ROBO1: variants seen among roughly 807,000 people sequenced by gnomAD.
The protein encoded by ROBO1 is roundabout homolog 1.
Under a neutral mutation model 195.9 loss-of-function variants are expected in ROBO1, and 149 were observed. The ratio of observed to expected loss-of-function variants is 0.76; its 90% CI spans 0.67 to 0.87. The LOEUF (loss-of-function observed/expected upper bound fraction) is 0.87. ROBO1 is among the 40% of genes least tolerant of loss of function. The pLI, the probability that ROBO1 is intolerant of heterozygous loss-of-function variation, is 0.00. For synonymous variants in ROBO1, 816 were observed against 733.2 expected, an observed-to-expected ratio of 1.11 and a Z score of -1.82; for missense variants, 1,933 against 2,068.3, an observed-to-expected ratio of 0.93 and a Z score of 1.27.
intron 1 of ROBO1, among the ~76,000 whole-genome samples, chr3:79,710,126 C>CG (rs1702213751): frequency 6.6e-6 from 1 of 151,868 alleles, no homozygotes; most frequent in Admixed American, 6.6e-5. Context: ...GTAAGGGAGA[C>CG]GAGAGATATT....
At chr3:79,519,691 TTG>T (rs1365838775) in intron 2 of ROBO1, among the ~76,000 whole-genome samples, 1 of 150,942 alleles carries the variant, frequency 6.6e-6, no homozygotes, top group African/African-American at 2.4e-5. Context: ...ATATAATATG[TTG>T]TCCCAGCCAG....
At chr3:78,962,823 CAAA>C (rs770515270) in intron 3 of ROBO1, among the ~76,000 whole-genome samples, 3 of 26,212 alleles carry the variant, frequency 1.1e-4, no homozygotes, top group Non-Finnish European at 2.4e-4. Context: ...GACTCCATCT[CAAA>C]AAAAAAAAAA....
intron 2 of ROBO1, among the ~76,000 whole-genome samples, chr3:79,310,345 C>A (rs2033424610): frequency 6.6e-6 from 1 of 152,152 alleles, no homozygotes; most frequent in South Asian, 2.1e-4. Context: ...CCTCACCTTC[C>A]TCTCCTGGGA....
At chr3:78,826,051 A>G (rs1296978882) in intron 4 of ROBO1, among the ~76,000 whole-genome samples, 1 of 152,164 alleles carries the variant, frequency 6.6e-6, no homozygotes, top group Non-Finnish European at 1.5e-5. Context: ...ATGGCCACAG[A>G]GCTATAGCAT....
At chr3:79,225,506 T>C (rs1276635113) in intron 2 of ROBO1, among the ~76,000 whole-genome samples, 1 of 152,214 alleles carries the variant, frequency 6.6e-6, no homozygotes, top group Non-Finnish European at 1.5e-5. Context: ...TAATTTACTA[T>C]CAACTTCTTG....
At chr3:78,851,334 A>T (rs776509415) in intron 4 of ROBO1, among the ~76,000 whole-genome samples, 38 of 152,128 alleles carry the variant, frequency 2.5e-4, no homozygotes, top group Middle Eastern at 3.2e-3. Flanking sequence ...ATAATTCTAA[A>T]CATATAAGAT....
chr3:79,294,618 GA>G (rs2032474119), intron 2 of ROBO1, among the ~76,000 whole-genome samples: 1 of 152,038 alleles, frequency 6.6e-6, no homozygotes, highest in Non-Finnish European at 1.5e-5. Flanking sequence ...TTAAACTGAA[GA>G]GCCTCTGCAC....
chr3:79,189,452 A>G (rs2081500195), intron 2 of ROBO1, among the ~76,000 whole-genome samples: 1 of 151,752 alleles, frequency 6.6e-6, no homozygotes, highest in African/African-American at 2.4e-5. Context: ...ATGTTTGTCT[A>G]TGCTGCTGCT....
At chr3:79,190,490 G>A (rs779861914) in intron 2 of ROBO1, among the ~76,000 whole-genome samples, 1 of 151,468 alleles carries the variant, frequency 6.6e-6, no homozygotes, top group African/African-American at 2.4e-5. Flanking sequence ...TTGGAGAGTC[G>A]GGCAGAAGGG....
At position 78,613,411 on chromosome 3, in the gene ROBO1, T is replaced by C. The variant is rs189149424; in HGVS notation, c.4435+1237A>G. ...ATTGCTGGTAGAGTTGGGGGATTTATACCTAGTGTTTGTCCCTTCACAGAG... is the reference window on the plus strand; with the variant it reads ...ATTGCTGGTAGAGTTGGGGGATTTACACCTAGTGTTTGTCCCTTCACAGAG... On this transcript the variant is annotated intron_variant, in intron 28 of 30. Transcript: ENST00000464233. Among the ~76,000 whole-genome samples, 6 of 152,296 alleles carry C rather than the reference T, an allele frequency of 3.9e-5. No homozygotes were observed. The East Asian group carries it at 1.2e-3, about 29-fold the overall frequency.
intron 26 of ROBO1, among the ~76,000 whole-genome samples, chr3:78,620,883 A>ATGTGTGTGTGTGTGTGTGTGTG (rs199578004): frequency 6.9e-6 from 1 of 144,624 alleles, no homozygotes; most frequent in Non-Finnish European, 1.5e-5. Context: ...ATATATATAT[A>ATGTGTGTGTGTGTGTGTGTGTG]TGTGTGTGTG....
At chr3:78,756,029 T>C (rs1049567909) in intron 4 of ROBO1, among the ~76,000 whole-genome samples, 1 of 152,154 alleles carries the variant, frequency 6.6e-6, no homozygotes, top group Non-Finnish European at 1.5e-5. Flanking sequence ...CCATATCATG[T>C]ATTTTTTAAC....
At chr3:79,199,377 T>C (rs891562593) in intron 2 of ROBO1, among the ~76,000 whole-genome samples, 17 of 151,840 alleles carry the variant, frequency 1.1e-4, no homozygotes, top group Non-Finnish European at 1.3e-4. Flanking sequence ...TCAAACCATC[T>C]GTAATTTTTA....
At chr3:79,380,926 T>A (rs1410391399) in intron 2 of ROBO1, among the ~76,000 whole-genome samples, 1 of 152,168 alleles carries the variant, frequency 6.6e-6, no homozygotes. Flanking sequence ...TATGTGGAAC[T>A]GAGACTGAGA....
intron 2 of ROBO1, among the ~76,000 whole-genome samples, chr3:79,472,328 C>G (rs1025732434): frequency 6.6e-6 from 1 of 152,090 alleles, no homozygotes; most frequent in African/African-American, 2.4e-5. Context: ...AATTTTAGAA[C>G]AACCCAGAAG....
At chr3:78,763,954 AAG>A (rs750175319) in intron 4 of ROBO1, among the ~76,000 whole-genome samples, 28 of 152,200 alleles carry the variant, frequency 1.8e-4, no homozygotes, top group Non-Finnish European at 1.9e-4. Flanking sequence ...GTGGAAGTGT[AAG>A]AGATGTGATT....
intron 3 of ROBO1, among the ~76,000 whole-genome samples, chr3:79,028,226 C>G (rs1159497710): frequency 6.6e-6 from 1 of 151,986 alleles, no homozygotes; most frequent in Non-Finnish European, 1.5e-5. Flanking sequence ...CAATAATTCT[C>G]TCAAATATAA....
intron 2 of ROBO1, among the ~76,000 whole-genome samples, chr3:79,487,355 GT>G (rs11339020): frequency 0.73 from 111,532 of 151,850 alleles, 41,754 homozygotes; most frequent in African/African-American, 0.89. Flanking sequence ...CCACAGTACT[GT>G]TTGCAATGGC....
At chr3:78,654,270 G>C (rs1485749869) in intron 18 of ROBO1, among the ~76,000 whole-genome samples, 1 of 152,132 alleles carries the variant, frequency 6.6e-6, no homozygotes, top group African/African-American at 2.4e-5. Flanking sequence ...TGTTGTATGA[G>C]TGTGTGTGGT....
Sources: gnomAD v4.1 joint callset for allele counts (sites outside exome capture counted in the v4.1 genomes callset) on GRCh38, gnomAD v4.1.1 for gene constraint, MANE v1.5 for transcripts, NCBI Gene and HGNC (gene_info 2026-07-23, HGNC 2026-07-21) for gene names.